The following MRPL44 variants were observed in gnomAD, a reference collection of about 807,000 sequenced individuals.
The protein encoded by MRPL44 is mitochondrial ribosomal protein L44.
MRPL44 carries 21 observed loss-of-function variants against 25.9 expected under a neutral mutation model. That is an observed-to-expected ratio of 0.81 (90% CI 0.58 to 1.17). MRPL44 has a LOEUF of 1.17. MRPL44 is among the 50% of genes most tolerant of loss of function. The pLI is 0.00. For missense variants in MRPL44, 410 were observed against 398.9 expected (o/e 1.03, Z -0.24); for synonymous variants, 169 against 151.0 (o/e 1.12, Z -0.87).
At chr2:223,952,721 G>A (rs1262850596), upstream of MRPL44, among the ~76,000 whole-genome samples, 1 of 152,150 alleles carries the variant, frequency 6.6e-6, no homozygotes, top group South Asian at 2.1e-4. Flanking sequence ...AAAAGTAGCC[G>A]AGTCTCATCC....
Position 223,957,706 on chromosome 2 carries a change from T to G in MRPL44, c.179+55T>G, listed in dbSNP as rs539080967. 2.6e-6 allele frequency: 4 copies of G among 1,539,822 alleles called. No individual in the cohort carries two copies. The Admixed American group carries it at 7.6e-5, about 29-fold the overall frequency. On this transcript the variant is annotated intron_variant, in intron 1 of 3. Coordinates refer to ENST00000258383, the MANE Select transcript of MRPL44 (RefSeq NM_022915.5). ...GGTGGCGGTCGCAGACACTGGGTCTTCTTCCCGCGGCGTCGTGTCTGCGGC... is the reference window on the plus strand; with the variant it reads ...GGTGGCGGTCGCAGACACTGGGTCTGCTTCCCGCGGCGTCGTGTCTGCGGC...
At chr2:223,953,094 G>A (rs56779255), upstream of MRPL44, among the ~76,000 whole-genome samples, 13,761 of 68,426 alleles carry the variant, frequency 0.2, 2,064 homozygotes, top group African/African-American at 0.41. Context: ...GTCTCATAAA[G>A]AATAACTTAT....
rs753028395 is a variant in MRPL44, at chr2:223,963,807, A to T, written c.700A>T (p.Ile234Leu). 6.2e-7 allele frequency: 1 copy of T among 1,613,346 alleles called. No individual in the cohort carries two copies. Among genetic ancestry groups the T allele is most frequent in the East Asian group, 2.2e-5 (1 of 44,788 alleles). The change falls in exon 3 of 4, where the codon ATA becomes TTA. Residue 234 changes from isoleucine to leucine, a missense_variant. By Grantham distance (5) the Ile-to-Leu change is conservative. Transcript: ENST00000258383. ...TGKELFEMWKIINPMGLLVEE... is the reference protein window; with the variant it reads ...TGKELFEMWKLINPMGLLVEE... ...AAAAGAGCTCTTTGAGATGTGGAAGATAATAAATCCCATGGGGCTATTGGT... is the reference window on the plus strand; with the variant it reads ...AAAAGAGCTCTTTGAGATGTGGAAGTTAATAAATCCCATGGGGCTATTGGT...
upstream of MRPL44, chr2:223,957,450 C>T (rs771688348): frequency 1.2e-5 from 19 of 1,613,958 alleles, no homozygotes; most frequent in Non-Finnish European, 1.4e-5. Context: ...TTCGTTCCGT[C>T]TTCCATCGTT....
intron 3 of MRPL44, among the ~76,000 whole-genome samples, chr2:223,966,576 A>G (rs557681580): frequency 2.4e-4 from 37 of 152,322 alleles, no homozygotes; most frequent in South Asian, 1.0e-3. Flanking sequence ...ATATTCTTCC[A>G]ATTCTCTCAT....
rs1689592304 is a variant in MRPL44, at chr2:223,957,625, G to A, written c.153G>A (p.Leu51=). The change falls in exon 1 of 4, where the codon CTG becomes CTA. Residue 51 remains leucine, a synonymous_variant. Coordinates refer to ENST00000258383, the MANE Select transcript of MRPL44 (RefSeq NM_022915.5). ...FQKELERQRL[L]RCPPPPVRRS... ...AGGAGTTAGAGCGGCAGCGCCTTCT[G>A]CGGTGCCCGCCGCCGCCCGTGCGCC... 1 of 1,609,780 alleles carries A rather than the reference G, an allele frequency of 6.2e-7. No individual in the cohort carries two copies. Among genetic ancestry groups the A allele is most frequent in the South Asian group, 1.1e-5 (1 of 91,028 alleles).
At chr2:223,965,181 A>G (rs888123235) in intron 3 of MRPL44, among the ~76,000 whole-genome samples, 8 of 152,226 alleles carry the variant, frequency 5.3e-5, no homozygotes, top group Non-Finnish European at 8.8e-5. Context: ...ACTAAAAACA[A>G]AATTCTGTGC....
In MRPL44 at chr2:223,957,621, T is replaced by C. The variant is rs1452259261; in HGVS notation, c.149T>C (p.Leu50Pro). The C allele has an allele frequency of 2.5e-6, 4 of 1,610,698 alleles. No homozygotes were observed. The highest frequency in any genetic ancestry group is 3.4e-6 in the Non-Finnish European group (4 of 1,179,776). ...CAGAAGGAGTTAGAGCGGCAGCGCC[T>C]TCTGCGGTGCCCGCCGCCGCCCGTG... The part of the protein sequence containing the change: ...RFQKELERQR[L>P]LRCPPPPVRR... Residue 50 changes from leucine (L) to proline (P), a missense_variant, in exon 1 of 4, where the codon CTT becomes CCT. Physicochemically the swap from Leu to Pro is moderately conservative, Grantham distance 98. Transcript: ENST00000258383.
At position 223,957,595 on chromosome 2, in the gene MRPL44, C is replaced by G. The variant is rs1292369621; in HGVS notation, c.123C>G (p.Phe41Leu). 1 of 1,613,442 alleles carries G rather than the reference C, an allele frequency of 6.2e-7. No individual in the cohort carries two copies. Among genetic ancestry groups the G allele is most frequent in the Admixed American group, 1.7e-5 (1 of 60,030 alleles). The stretch of plus-strand genomic sequence containing the variant: ...AGGGATTCCGCGCCGCCTTCCGCTT[C>G]CAGAAGGAGTTAGAGCGGCAGCGCC... ...VKKGFRAAFR[F>L]QKELERQRLL... Residue 41 changes from phenylalanine to leucine, a missense_variant, in exon 1 of 4, where the codon TTC becomes TTG. By Grantham distance (22) the Phe-to-Leu change is conservative. Transcript: ENST00000258383.
Position 223,957,580 on chromosome 2 carries a change from C to T in MRPL44, c.108C>T (p.Arg36=). 2 of 1,613,678 alleles carry T rather than the reference C, an allele frequency of 1.2e-6. No individual in the cohort carries two copies. Among genetic ancestry groups the T allele is most frequent in the Non-Finnish European group, 1.7e-6 (2 of 1,180,000 alleles). ...PPVRGVKKGF[R]AAFRFQKELE... ...TTCGGGGAGTGAAGAAGGGATTCCG[C>T]GCCGCCTTCCGCTTCCAGAAGGAGT... The change falls in exon 1 of 4, where the codon CGC becomes CGT. Residue 36 remains arginine, a synonymous_variant. Coordinates refer to ENST00000258383, the MANE Select transcript of MRPL44 (RefSeq NM_022915.5).
chr2:223,963,599 A>G (rs1054970200), intron 2 of MRPL44, among the ~76,000 whole-genome samples, 157 bp from the exon 3 acceptor site: 1 of 152,232 alleles, frequency 6.6e-6, no homozygotes, highest in Admixed American at 6.5e-5. Context: ...GAAAAAGAAT[A>G]GTACATTTTT....
upstream of MRPL44, among the ~76,000 whole-genome samples, chr2:223,956,033 C>A (rs538557892): frequency 6.6e-6 from 1 of 152,158 alleles, no homozygotes; most frequent in South Asian, 2.1e-4. Flanking sequence ...TTTAACTTAA[C>A]ATGATTGTGC....
At chr2:223,963,705 C>T (rs753842790) in intron 2 of MRPL44, 51 bp from the exon 3 acceptor site, 10 of 1,200,942 alleles carry the variant, frequency 8.3e-6, no homozygotes, top group Non-Finnish European at 1.1e-5. Flanking sequence ...TTGAATTGTC[C>T]TAATGTTCTT....
chr2:223,958,413 A>G (rs765059243), intron 1 of MRPL44, among the ~76,000 whole-genome samples: 13 of 152,212 alleles, frequency 8.5e-5, no homozygotes, highest in Non-Finnish European at 1.8e-4. Flanking sequence ...ATGTTGATCC[A>G]CTTTGTACTC....
At chr2:223,961,897 C>T (rs1210396368) in intron 2 of MRPL44, among the ~76,000 whole-genome samples, 2 of 152,146 alleles carry the variant, frequency 1.3e-5, no homozygotes. Flanking sequence ...TGGGAAAGAG[C>T]TGTGTTTCCT....
At chr2:223,954,110 A>G (rs1399248647), upstream of MRPL44, among the ~76,000 whole-genome samples, 1 of 152,176 alleles carries the variant, frequency 6.6e-6, no homozygotes, top group Non-Finnish European at 1.5e-5. Flanking sequence ...CTATACCTAC[A>G]GGGGTTAAAG....
chr2:223,966,346 CA>C (rs1260213843), intron 3 of MRPL44, among the ~76,000 whole-genome samples: 2 of 152,052 alleles, frequency 1.3e-5, no homozygotes, highest in Non-Finnish European at 2.9e-5. Context: ...ATGACAGACT[CA>C]AAAGGCATAA....
the MRPL44 span, among the ~76,000 whole-genome samples, chr2:223,952,413 T>C: frequency 6.6e-6 from 1 of 152,164 alleles, no homozygotes; most frequent in Non-Finnish European, 1.5e-5. Context: ...CCTTTGTCTC[T>C]CCAGTTTTGC....
At position 223,966,928 on chromosome 2, in the gene MRPL44, G is replaced by T; in HGVS notation, c.893G>T (p.Arg298Leu). Residue 298 changes from arginine (R) to leucine (L), a missense_variant, in exon 4 of 4, where the codon CGA becomes CTA. By Grantham distance (102) the Arg-to-Leu change is moderately radical (BLOSUM62 -2). Coordinates refer to ENST00000258383, the MANE Select transcript of MRPL44 (RefSeq NM_022915.5). ...TTGGTTGCAGAAGAAGAGGCTGCTC[G>T]AGTGGCCCTTAGAAAACTTTATGGA... ...TVLVAEEEAA[R>L]VALRKLYGFT... is the part of the protein sequence containing the mutation. The T allele has an allele frequency of 6.2e-7, 1 of 1,614,170 alleles. No individual in the cohort carries two copies. The highest frequency in any genetic ancestry group is 8.5e-7 in the Non-Finnish European group (1 of 1,180,026).
Sources: gnomAD v4.1 joint callset for allele counts (sites outside exome capture counted in the v4.1 genomes callset) on GRCh38, gnomAD v4.1.1 for gene constraint, MANE v1.5 for transcripts, NCBI Gene and HGNC (gene_info 2026-07-23, HGNC 2026-07-21) for gene names.